Variants in LYPD6 observed in about 807,000 individuals in gnomAD.
LYPD6 encodes the protein LY6/PLAUR domain containing 6.
A neutral mutation model predicts 22.7 loss-of-function variants in LYPD6; 15 were observed. The ratio of observed to expected loss-of-function variants is 0.66; its 90% CI spans 0.44 to 1.02. LYPD6 has a LOEUF of 1.02. Among genes scored for constraint, LYPD6 ranks in the 50% least tolerant of loss-of-function variants. The pLI is 0.00. For synonymous variants in LYPD6, 72 were observed against 77.5 expected, an observed-to-expected ratio of 0.93 and a Z score of 0.37; for missense variants, 189 against 208.4, an observed-to-expected ratio of 0.91 and a Z score of 0.57.
At chr2:149,384,881 C>T (rs551219291) in intron 1 of LYPD6, among the ~76,000 whole-genome samples, 1 of 114,626 alleles carries the variant, frequency 8.7e-6, no homozygotes, top group Non-Finnish European at 1.7e-5. Flanking sequence ...CCTTCCCCCT[C>T]CCCCCACCCC....
chr2:149,381,599 T>C (rs1210105582), intron 1 of LYPD6, among the ~76,000 whole-genome samples: 1 of 152,112 alleles, frequency 6.6e-6, no homozygotes, highest in Non-Finnish European at 1.5e-5. Context: ...AATTTGAAGA[T>C]AGAGAAGGAA....
intron 1 of LYPD6, among the ~76,000 whole-genome samples, chr2:149,436,444 A>G (rs970843063): frequency 6.6e-6 from 1 of 152,250 alleles, no homozygotes; most frequent in Non-Finnish European, 1.5e-5. Context: ...AGATCTCTGC[A>G]TTCCCAGTAA....
chr2:149,416,124 G>A (rs1250446841), intron 1 of LYPD6, among the ~76,000 whole-genome samples: 1 of 152,186 alleles, frequency 6.6e-6, no homozygotes, highest in East Asian at 1.9e-4. Context: ...TCCTGAGAGA[G>A]AACTCAGAAG....
chr2:149,330,641 T>G lies in LYPD6; in HGVS notation c.-153T>G, dbSNP rs1680917838. 1 of 149,864 alleles carries G rather than the reference T, an allele frequency of 6.7e-6. No homozygotes were observed. The highest frequency in any genetic ancestry group is 1.5e-5 in the Non-Finnish European group (1 of 66,700). 9.3% of individuals were successfully genotyped at this position (149,864 alleles called of 1,614,324 possible). A position where few individuals can be genotyped will look rare whatever the true frequency, so the allele number is the denominator to read the frequency against. On this transcript the variant is annotated 5_prime_UTR_variant, in exon 1 of 5. Transcript: ENST00000334166. Reference sequence around the variant, plus strand: ...GGCAGCGGGCTGGCGGGGCGCCGCATTGCACACTCTGGGGGCGCCGCAGTG... The same window carrying G: ...GGCAGCGGGCTGGCGGGGCGCCGCAGTGCACACTCTGGGGGCGCCGCAGTG...
At chr2:149,359,970 G>A (rs556832222) in intron 1 of LYPD6, among the ~76,000 whole-genome samples, 4 of 152,272 alleles carry the variant, frequency 2.6e-5, no homozygotes, top group African/African-American at 9.6e-5. Context: ...GCTCACCTGA[G>A]TATACTTACA....
At chr2:149,461,813 T>C (rs1159697967) in intron 3 of LYPD6, among the ~76,000 whole-genome samples, 1 of 151,998 alleles carries the variant, frequency 6.6e-6, no homozygotes, top group East Asian at 1.9e-4. Context: ...CACATGTTCA[T>C]ATCAACCAAT....
downstream of LYPD6, among the ~76,000 whole-genome samples, chr2:149,477,538 G>A (rs1191491974): frequency 2.0e-5 from 3 of 147,584 alleles, no homozygotes; most frequent in African/African-American, 7.5e-5. Context: ...CAGGAGAATC[G>A]CTTGAATCTG....
chr2:149,356,674 A>G (rs1346443523), intron 1 of LYPD6, among the ~76,000 whole-genome samples: 1 of 152,130 alleles, frequency 6.6e-6, no homozygotes, highest in East Asian at 1.9e-4. Flanking sequence ...GGCATGCAGG[A>G]GGAAGTGGCA....
rs972157546 is a variant in LYPD6, at chr2:149,473,408, T to A, written c.*2558T>A. 6.6e-6 allele frequency: 1 copy of A among 152,666 alleles called. No individual in the cohort carries two copies. Among genetic ancestry groups the A allele is most frequent in the African/African-American group, 2.4e-5 (1 of 41,460 alleles). The allele number at this position is 152,666 out of a possible 1,614,324, so 9.5% of individuals were successfully genotyped here. On this transcript the variant is annotated 3_prime_UTR_variant, in exon 5 of 5. Transcript: ENST00000334166. ...GTCATTCACATGGAAGGTCCGGGAC[T>A]GGTCAGCCACTCTGACTTTTCTACC...
intron 1 of LYPD6, among the ~76,000 whole-genome samples, chr2:149,338,274 G>A (rs1463916186): frequency 6.6e-6 from 1 of 152,188 alleles, no homozygotes; most frequent in Non-Finnish European, 1.5e-5. Flanking sequence ...TCCACCAGCA[G>A]TGTATAAGAG....
intron 1 of LYPD6, among the ~76,000 whole-genome samples, chr2:149,348,104 C>G (rs1403505124): frequency 7.0e-6 from 1 of 143,214 alleles, no homozygotes; most frequent in Non-Finnish European, 1.5e-5. Context: ...GACACAGCAA[C>G]TGTTCTCATG....
At chr2:149,387,093 A>T (rs1282917431) in intron 1 of LYPD6, among the ~76,000 whole-genome samples, 1 of 152,208 alleles carries the variant, frequency 6.6e-6, no homozygotes. Flanking sequence ...CCAGCAGGCC[A>T]CTTCTCTCTA....
At chr2:149,479,294 A>G in the LYPD6 span, among the ~76,000 whole-genome samples, 1 of 152,146 alleles carries the variant, frequency 6.6e-6, no homozygotes, top group Non-Finnish European at 1.5e-5. Flanking sequence ...ATTTGGTGCT[A>G]AAGTTCCTCC....
intron 1 of LYPD6, among the ~76,000 whole-genome samples, chr2:149,400,969 C>G (rs1682542088): frequency 1.3e-5 from 2 of 152,174 alleles, no homozygotes; most frequent in African/African-American, 4.8e-5. Flanking sequence ...TCTTTCCATA[C>G]CTCGTGCTCC....
intron 3 of LYPD6, among the ~76,000 whole-genome samples, chr2:149,453,551 C>A (rs531989807): frequency 8.5e-5 from 13 of 152,252 alleles, no homozygotes; most frequent in African/African-American, 3.1e-4. Context: ...ATTCTTTTGG[C>A]TCCAGCTTCT....
chr2:149,457,440 T>C (rs1189318755), intron 3 of LYPD6, among the ~76,000 whole-genome samples: 2 of 152,182 alleles, frequency 1.3e-5, no homozygotes, highest in East Asian at 3.8e-4. Flanking sequence ...TGTTATATGT[T>C]GGAGGGAATG....
At chr2:149,456,057 G>T (rs570380410) in intron 3 of LYPD6, among the ~76,000 whole-genome samples, 1 of 152,304 alleles carries the variant, frequency 6.6e-6, no homozygotes, top group East Asian at 1.9e-4. Context: ...GGAACAAGAG[G>T]AGAAAACACA....
chr2:149,354,865 A>C (rs1194091157), intron 1 of LYPD6, among the ~76,000 whole-genome samples: 9 of 152,160 alleles, frequency 5.9e-5, no homozygotes, highest in Non-Finnish European at 1.2e-4. Context: ...CTAGCCAAAA[A>C]TTGTGCCTCC....
chr2:149,432,233 C>T (rs1013657437), intron 1 of LYPD6, among the ~76,000 whole-genome samples: 17 of 152,216 alleles, frequency 1.1e-4, no homozygotes, highest in Admixed American at 4.6e-4. Context: ...CAAGACCCAG[C>T]AGTTCCACTC....
Sources: gnomAD v4.1 joint callset for allele counts (sites outside exome capture counted in the v4.1 genomes callset) on GRCh38, gnomAD v4.1.1 for gene constraint, MANE v1.5 for transcripts, NCBI Gene and HGNC (gene_info 2026-07-23, HGNC 2026-07-21) for gene names.